PCDH15: variants seen among roughly 807,000 people sequenced by gnomAD.
The protein encoded by PCDH15 is protocadherin related 15.
In PCDH15, 129 loss-of-function variants were observed where a neutral mutation model predicts 178.5. The ratio of observed to expected loss-of-function variants is 0.72; its 90% CI spans 0.63 to 0.84. The LOEUF (loss-of-function observed/expected upper bound fraction) is 0.84, where lower values mean the gene tolerates loss of function less well. Among genes scored for constraint, PCDH15 ranks in the 40% least tolerant of loss-of-function variants. PCDH15 has a pLI of 0.00. For missense variants in PCDH15, 2,230 were observed against 2,099.9 expected (o/e 1.06, Z -1.21); for synonymous variants, 800 against 732.0 (o/e 1.09, Z -1.50).
chr10:54,874,912 A>T (rs748846162), intron 3 of PCDH15, among the ~76,000 whole-genome samples: 4 of 152,132 alleles, frequency 2.6e-5, no homozygotes, highest in Non-Finnish European at 5.9e-5. Flanking sequence ...TTATTGGAGG[A>T]GGCTTAGAAA....
intron 1 of PCDH15, among the ~76,000 whole-genome samples, chr10:54,755,172 T>C (rs2133055554): frequency 6.6e-6 from 1 of 152,218 alleles, no homozygotes; most frequent in African/African-American, 2.4e-5. Flanking sequence ...CTTCAGGTGA[T>C]GCACCTGCCT....
intron 2 of PCDH15, among the ~76,000 whole-genome samples, chr10:55,074,733 G>A (rs934508120): frequency 6.6e-6 from 1 of 152,086 alleles, no homozygotes; most frequent in Non-Finnish European, 1.5e-5. Context: ...GATCACATTT[G>A]TCTATTTTGG....
intron 1 of PCDH15, among the ~76,000 whole-genome samples, chr10:55,237,225 G>A (rs1166662355): frequency 1.3e-5 from 2 of 152,022 alleles, no homozygotes; most frequent in East Asian, 1.9e-4. Flanking sequence ...TATTGGTAGA[G>A]CTTTTTATAT....
At chr10:54,020,821 T>C (rs1223429718) in intron 19 of PCDH15, among the ~76,000 whole-genome samples, 1 of 152,108 alleles carries the variant, frequency 6.6e-6, no homozygotes, top group Non-Finnish European at 1.5e-5. Flanking sequence ...TTGATAATCA[T>C]GAACAAATAT....
At chr10:55,556,012 T>A (rs938509171) in intron 2 of PCDH15, among the ~76,000 whole-genome samples, 1 of 152,164 alleles carries the variant, frequency 6.6e-6, no homozygotes, top group Non-Finnish European at 1.5e-5. Flanking sequence ...ATTTTTTGCA[T>A]ATTTCAAACT....
At chr10:54,990,103 T>C (rs1035758389) in intron 2 of PCDH15, among the ~76,000 whole-genome samples, 2 of 152,192 alleles carry the variant, frequency 1.3e-5, no homozygotes, top group African/African-American at 4.8e-5. Context: ...TAAACCTCGT[T>C]CCTTTGTAAA....
chr10:55,113,481 G>A (rs1837558846), intron 2 of PCDH15, among the ~76,000 whole-genome samples: 1 of 151,800 alleles, frequency 6.6e-6, no homozygotes, highest in South Asian at 2.1e-4. Context: ...ATGGAAGAAG[G>A]TAGTCATCAA....
chr10:55,054,651 TAAGCA>T (rs1024496838), intron 2 of PCDH15, among the ~76,000 whole-genome samples: 1 of 152,128 alleles, frequency 6.6e-6, no homozygotes, highest in African/African-American at 2.4e-5. Flanking sequence ...ACCAACAGTA[TAAGCA>T]TTTCTTTTTC....
In PCDH15 at chr10:55,185,436, A is replaced by G. The variant is rs142022911; in HGVS notation, c.-155-18785T>C. On this transcript the variant is annotated intron_variant, in intron 1 of 5. Transcript: ENST00000458638. ...AAATCAGCTCAGAATCTTTATTAAA[A>G]GACTTTGATGAGTGCAACATCAAAT... 7.9e-5 allele frequency among the ~76,000 whole-genome samples: 12 copies of G among 151,948 alleles called. No individual in the cohort carries two copies. The East Asian group carries it at 2.1e-3, about 27-fold the overall frequency.
chr10:53,844,431 A>C (rs1226965720), intron 28 of PCDH15, among the ~76,000 whole-genome samples: 1 of 152,064 alleles, frequency 6.6e-6, no homozygotes, highest in African/African-American at 2.4e-5. Flanking sequence ...TATAAATATC[A>C]GAGCAGATAT....
chr10:55,039,886 A>G (rs1489500128), intron 2 of PCDH15, among the ~76,000 whole-genome samples: 1 of 152,060 alleles, frequency 6.6e-6, no homozygotes, highest in African/African-American at 2.4e-5. Context: ...TTCATAACCC[A>G]ATAAGTGTCA....
chr10:54,421,290 A>G (rs1955261618), intron 3 of PCDH15, among the ~76,000 whole-genome samples: 1 of 151,838 alleles, frequency 6.6e-6, no homozygotes, highest in African/African-American at 2.4e-5. Context: ...GAAATACATT[A>G]AGAAATAATC....
rs59721161 is a variant in PCDH15 at position 54,296,144 on chromosome 10, CAAAAAAAAA to C, written c.876+21118_876+21126del. ...TGGGCGACAGAGCGAGACTCCGTCT[CAAAAAAAAA>C]AAAAAAAAAAAAAAAAGTGGTTGGC... On this transcript the variant is annotated intron_variant, in intron 8 of 37. Transcript: ENST00000644397. 4.7e-3 allele frequency among the ~76,000 whole-genome samples: 227 copies of C among 48,224 alleles called. 9 individuals carry two copies. Among genetic ancestry groups the C allele is most frequent in the African/African-American group, 0.016 (201 of 12,546 alleles). The allele number at this position is 48,224 out of a possible 152,430, so 31.6% of individuals were successfully genotyped here. A position where few individuals can be genotyped will look rare whatever the true frequency, so the allele number is the denominator to read the frequency against.
chr10:54,635,170 A>C, intron 2 of PCDH15, among the ~76,000 whole-genome samples: 1 of 149,574 alleles, frequency 6.7e-6, no homozygotes, highest in African/African-American at 2.4e-5. Flanking sequence ...CCTATAAATA[A>C]ATAAATAAAT....
At chr10:53,822,309 G>A (rs1280348550) in intron 32 of PCDH15, 1 of 1,610,270 alleles carries the variant, frequency 6.2e-7, no homozygotes, top group Admixed American at 1.7e-5. Context: ...AGGTGGTGTT[G>A]GGGGACCAGA....
chr10:53,911,393 G>A (rs927658606), intron 25 of PCDH15, among the ~76,000 whole-genome samples: 1 of 152,150 alleles, frequency 6.6e-6, no homozygotes, highest in Non-Finnish European at 1.5e-5. Context: ...CAGAAATAAA[G>A]ATGTTCTTTG....
At chr10:54,332,989 G>C (rs1441166327) in intron 6 of PCDH15, among the ~76,000 whole-genome samples, 1 of 151,984 alleles carries the variant, frequency 6.6e-6, no homozygotes, top group Non-Finnish European at 1.5e-5. Context: ...TGTCATCCAG[G>C]CTTGAGTGCA....
chr10:54,215,576 T>C (rs2051928615), intron 9 of PCDH15, among the ~76,000 whole-genome samples: 2 of 151,902 alleles, frequency 1.3e-5, no homozygotes, highest in Admixed American at 1.3e-4. Flanking sequence ...TAGATGAAAA[T>C]GTGGATAAAT....
intron 2 of PCDH15, among the ~76,000 whole-genome samples, chr10:55,149,621 G>T (rs979404680): frequency 5.3e-5 from 8 of 151,954 alleles, no homozygotes; most frequent in Non-Finnish European, 8.8e-5. Flanking sequence ...TATACTGAAG[G>T]TTCCCATAGA....
Sources: gnomAD v4.1 joint callset for allele counts (sites outside exome capture counted in the v4.1 genomes callset) on GRCh38, gnomAD v4.1.1 for gene constraint, MANE v1.5 for transcripts, NCBI Gene and HGNC (gene_info 2026-07-23, HGNC 2026-07-21) for gene names.